The following CACNA1A variants were observed in gnomAD, a reference collection of about 807,000 sequenced individuals.
CACNA1A encodes calcium voltage-gated channel subunit alpha1 A.
A neutral mutation model predicts 262.4 loss-of-function variants in CACNA1A; 57 were observed. That is an observed-to-expected ratio of 0.22 (90% CI 0.18 to 0.27). The LOEUF (loss-of-function observed/expected upper bound fraction) is 0.27, where lower values mean the gene tolerates loss of function less well. Ranked by LOEUF, CACNA1A falls within the 10% of genes least tolerant of loss-of-function variation. CACNA1A has a pLI of 1.00. For missense variants in CACNA1A, 2,526 were observed against 3,562.8 expected (o/e 0.71, Z 7.41); for synonymous variants, 1,431 against 1,419.3 (o/e 1.01, Z -0.18).
intron 29 of CACNA1A, among the ~76,000 whole-genome samples, chr19:13,253,889 G>A (rs144795088): frequency 2.6e-4 from 40 of 151,808 alleles, no homozygotes; most frequent in Admixed American, 1.4e-3. Flanking sequence ...ATAGGCATGC[G>A]CCACCACGCC....
chr19:13,281,606 C>G (rs1013896497), intron 22 of CACNA1A, among the ~76,000 whole-genome samples: 7 of 152,086 alleles, frequency 4.6e-5, no homozygotes, highest in Non-Finnish European at 7.4e-5. Flanking sequence ...GCACCTCCCC[C>G]CTCCTGTCGT....
intron 31 of CACNA1A, chr19:13,243,804 C>T (rs371357391): frequency 3.3e-5 from 5 of 152,362 alleles, no homozygotes; most frequent in Admixed American, 6.6e-5. Context: ...GGTGATCCGC[C>T]GGCTTCGGCC....
chr19:13,459,373 C>T (rs1482710690), intron 1 of CACNA1A, among the ~76,000 whole-genome samples: 5 of 152,130 alleles, frequency 3.3e-5, no homozygotes, highest in Non-Finnish European at 7.4e-5. Context: ...CTCGGAAAGC[C>T]AGGAAAACCA....
rs553593242 is a variant in CACNA1A at position 13,241,463 on chromosome 19, G to C, written c.4950+3719C>G. 6.4e-5 allele frequency: 82 copies of C among 1,278,406 alleles called. 1 individual carries two copies. The South Asian group carries it at 9.2e-4, about 14-fold the overall frequency. The allele number at this position is 1,278,406 out of a possible 1,614,324, so 79.2% of individuals were successfully genotyped here. A position where few individuals can be genotyped will look rare whatever the true frequency, so the allele number is the denominator to read the frequency against. The stretch of plus-strand genomic sequence containing the variant: ...GGTGTGGCATGCAATGCCGACGCGA[G>C]GAGATGCGTTCACAGTTAATGTAAG... On this transcript the variant is annotated intron_variant, in intron 31 of 46. Transcript: ENST00000360228. The surrounding 1 kb of genome is among the most constrained non-coding windows in gnomAD (Gnocchi z 4.0).
Position 13,308,605 on chromosome 19 carries a change from A to G in CACNA1A, c.1669-77T>C. The G allele has an allele frequency of 1.1e-6, 1 of 876,954 alleles. No individual in the cohort carries two copies. The highest frequency in any genetic ancestry group is 1.8e-6 in the Non-Finnish European group (1 of 567,472). The allele number at this position is 876,954 out of a possible 1,614,324, so 54.3% of individuals were successfully genotyped here. A position where few individuals can be genotyped will look rare whatever the true frequency, so the allele number is the denominator to read the frequency against. Reference sequence around the variant, plus strand: ...ACTGGCAAGCATTTCCTAGGTACCAACCTTGCAAGAACTCAACCAAACTCC... The same window carrying G: ...ACTGGCAAGCATTTCCTAGGTACCAGCCTTGCAAGAACTCAACCAAACTCC... On this transcript the variant is annotated intron_variant, in intron 12 of 46. Coordinates refer to ENST00000360228, the MANE Select transcript of CACNA1A (RefSeq NM_001127222.2). The surrounding 1 kb of genome is among the most constrained non-coding windows in gnomAD (Gnocchi z 4.2).
chr19:13,350,973 C>T (rs1221972315), intron 6 of CACNA1A, among the ~76,000 whole-genome samples: 2 of 152,170 alleles, frequency 1.3e-5, no homozygotes, highest in Admixed American at 1.3e-4. Context: ...CGCACTCCAG[C>T]TTAGAAGACA....
chr19:13,278,425 C>T (rs550478648), intron 22 of CACNA1A, among the ~76,000 whole-genome samples: 20 of 152,132 alleles, frequency 1.3e-4, no homozygotes, highest in Non-Finnish European at 2.5e-4. Context: ...CATTTGATTC[C>T]GTCTTTCTCC....
chr19:13,249,666 T>C (rs140028215), intron 30 of CACNA1A, among the ~76,000 whole-genome samples: 5 of 152,284 alleles, frequency 3.3e-5, no homozygotes, highest in Non-Finnish European at 5.9e-5. Context: ...CTAGCATTTA[T>C]TGAGTGCCCA....
intron 1 of CACNA1A, among the ~76,000 whole-genome samples, chr19:13,478,596 C>T (rs1276927036): frequency 1.3e-5 from 2 of 152,104 alleles, no homozygotes; most frequent in East Asian, 1.9e-4. Flanking sequence ...GGGTTACAAG[C>T]GTGAGCTACC....
chr19:13,300,596 C>T lies in CACNA1A; in HGVS notation c.2233G>A (p.Val745Met). Reference sequence around the variant, plus strand: ...GCGGACAGAGGACTCACTTCTGCCACCTCCTTGGCTTTCTGTAGGGCAAGT... The same window carrying T: ...GCGGACAGAGGACTCACTTCTGCCATCTCCTTGGCTTTCTGTAGGGCAAGT... ...QKLALQKAKE[V>M]AEVSPLSAAN... The change falls in exon 18 of 47, where the codon GTG becomes ATG. Residue 745 changes from valine to methionine, a missense_variant. By Grantham distance (21) the Val-to-Met change is conservative. Around this residue, in one of 17 missense-constraint regions of CACNA1A, gnomAD observed 16 missense variants for 30.1 expected, o/e 0.53. Coordinates refer to ENST00000360228, the MANE Select transcript of CACNA1A (RefSeq NM_001127222.2). 5 of 1,613,952 alleles carry T rather than the reference C, an allele frequency of 3.1e-6. No individual in the cohort carries two copies. Among genetic ancestry groups the T allele is most frequent in the Non-Finnish European group, 4.2e-6 (5 of 1,179,890 alleles).
intron 9 of CACNA1A, 74 bp from the exon 10 acceptor site, chr19:13,330,407 G>A (rs2058447053): frequency 9.4e-7 from 1 of 1,065,088 alleles, no homozygotes; most frequent in South Asian, 1.3e-5. Context: ...GACACAGTGT[G>A]TCCTTGGATT....
At chr19:13,264,272 G>A (rs1269620341) in intron 24 of CACNA1A, among the ~76,000 whole-genome samples, 1 of 152,066 alleles carries the variant, frequency 6.6e-6, no homozygotes, top group Non-Finnish European at 1.5e-5. Flanking sequence ...ATGGTCAACT[G>A]CCTGCCCTCT....
At chr19:13,245,007 T>A (rs1169230573) in intron 31 of CACNA1A, 175 bp downstream of exon 31, 4 of 612,872 alleles carry the variant, frequency 6.5e-6, no homozygotes, top group Non-Finnish European at 5.9e-6. Flanking sequence ...AATGCCCTCC[T>A]GAGGGGCTGC....
chr19:13,425,491 G>T (rs569759258), intron 3 of CACNA1A, among the ~76,000 whole-genome samples: 1 of 152,344 alleles, frequency 6.6e-6, no homozygotes, highest in Admixed American at 6.5e-5. Flanking sequence ...GAAACCTGAA[G>T]TTAATTTACT....
At chr19:13,251,638 A>G (rs1568462397) in intron 30 of CACNA1A, among the ~76,000 whole-genome samples, 1 of 152,240 alleles carries the variant, frequency 6.6e-6, no homozygotes, top group Non-Finnish European at 1.5e-5. Flanking sequence ...GATGTTTATA[A>G]GTGACACAGG....
chr19:13,387,365 A>C (rs1195710740), intron 3 of CACNA1A, among the ~76,000 whole-genome samples: 3 of 152,206 alleles, frequency 2.0e-5, no homozygotes, highest in African/African-American at 7.2e-5. Context: ...GTTACTTTAC[A>C]TTCTGAGAGC....
intron 43 of CACNA1A, chr19:13,211,716 T>G: frequency 4.7e-6 from 1 of 211,334 alleles, no homozygotes; most frequent in Non-Finnish European, 9.7e-6. Flanking sequence ...ATGTTGAGCA[T>G]GTGTGTGTGT....
At chr19:13,209,643 G>A in intron 44 of CACNA1A, 145 bp from the exon 45 acceptor site, 1 of 531,460 alleles carries the variant, frequency 1.9e-6, no homozygotes, top group Non-Finnish European at 2.9e-6. Flanking sequence ...GGGATGCCAT[G>A]GGGCCTTGGC....
At chr19:13,429,165 C>T (rs1212572794) in intron 3 of CACNA1A, among the ~76,000 whole-genome samples, 3 of 94,992 alleles carry the variant, frequency 3.2e-5, no homozygotes, top group Admixed American at 2.5e-4. Context: ...TATCACTGTG[C>T]GTACACACAC....
Sources: gnomAD v4.1 joint callset for allele counts (sites outside exome capture counted in the v4.1 genomes callset) on GRCh38, gnomAD v4.1.1 for gene constraint, gnomAD v4.1.1 regional missense constraint, Gnocchi (gnomAD v3.1) non-coding constraint, MANE v1.5 for transcripts, NCBI Gene and HGNC (gene_info 2026-07-23, HGNC 2026-07-21) for gene names.